DDAH1: variants seen among roughly 807,000 people sequenced by gnomAD.
DDAH1 encodes the protein dimethylarginine dimethylaminohydrolase 1.
In DDAH1, 19 loss-of-function variants were observed where a neutral mutation model predicts 28.8. That is an observed-to-expected ratio of 0.66 (90% CI 0.46 to 0.97). DDAH1 has a LOEUF of 0.97. Among genes scored for constraint, DDAH1 ranks in the 50% least tolerant of loss-of-function variants. The pLI, the probability that DDAH1 is intolerant of heterozygous loss-of-function variation, is 0.00. For synonymous variants in DDAH1, 153 were observed against 154.4 expected (o/e 0.99, Z 0.07); for missense variants, 326 against 375.9 (o/e 0.87, Z 1.10).
intron 1 of DDAH1, among the ~76,000 whole-genome samples, chr1:85,506,264 A>T (rs1657013164): frequency 6.6e-6 from 1 of 152,166 alleles, no homozygotes; most frequent in Admixed American, 6.5e-5. Flanking sequence ...TCTTCCCACC[A>T]TGGAGAGAGA....
At chr1:85,402,745 T>A (rs1652176151) in intron 1 of DDAH1, among the ~76,000 whole-genome samples, 1 of 151,844 alleles carries the variant, frequency 6.6e-6, no homozygotes, top group South Asian at 2.1e-4. Flanking sequence ...CCGTCTCTAC[T>A]AAAAATACAA....
intron 1 of DDAH1, among the ~76,000 whole-genome samples, chr1:85,509,470 G>T (rs1347403362): frequency 1.3e-5 from 2 of 152,206 alleles, no homozygotes; most frequent in Non-Finnish European, 2.9e-5. Flanking sequence ...GTGGAACAAA[G>T]CTGGACAGAG....
chr1:85,394,620 C>T (rs1024369967), intron 1 of DDAH1, among the ~76,000 whole-genome samples: 1 of 152,144 alleles, frequency 6.6e-6, no homozygotes, highest in Non-Finnish European at 1.5e-5. Flanking sequence ...CTTTAGGGCT[C>T]TTGTTTAGGT....
chr1:85,437,383 G>C (rs928401297), intron 1 of DDAH1, among the ~76,000 whole-genome samples: 17 of 152,208 alleles, frequency 1.1e-4, no homozygotes, highest in African/African-American at 4.1e-4. Context: ...CCATTTATAT[G>C]CAGATCTTCT....
chr1:85,441,324 C>T (rs1041525736), intron 1 of DDAH1, among the ~76,000 whole-genome samples: 10 of 152,222 alleles, frequency 6.6e-5, no homozygotes, highest in African/African-American at 2.2e-4. Flanking sequence ...AGGCAGGTCA[C>T]GAGGTCAGGA....
At chr1:85,385,621 G>A (rs1047305167) in intron 1 of DDAH1, among the ~76,000 whole-genome samples, 1 of 152,154 alleles carries the variant, frequency 6.6e-6, no homozygotes, top group African/African-American at 2.4e-5. Flanking sequence ...GTATAGGAGA[G>A]CAGCTGAGCT....
At chr1:85,354,588 G>C (rs1387024489) in intron 2 of DDAH1, among the ~76,000 whole-genome samples, 1 of 151,980 alleles carries the variant, frequency 6.6e-6, no homozygotes, top group East Asian at 1.9e-4. Flanking sequence ...AAATACTTGA[G>C]TCTTTCTTTT....
intron 1 of DDAH1, among the ~76,000 whole-genome samples, chr1:85,443,292 C>T (rs1303640060): frequency 6.6e-6 from 1 of 152,098 alleles, no homozygotes; most frequent in Non-Finnish European, 1.5e-5. Flanking sequence ...TAACCCTTTC[C>T]CCATTTCTTA....
chr1:85,496,613 A>G (rs1392019679), intron 1 of DDAH1, among the ~76,000 whole-genome samples: 1 of 152,220 alleles, frequency 6.6e-6, no homozygotes, highest in East Asian at 1.9e-4. Flanking sequence ...AGGAAAACAA[A>G]TCTTTCCTTT....
intron 1 of DDAH1, among the ~76,000 whole-genome samples, chr1:85,454,072 T>C (rs1412611605): frequency 6.6e-6 from 1 of 152,076 alleles, no homozygotes. Flanking sequence ...TCCTACTGGG[T>C]ACAACCCCTG....
At chr1:85,387,642 G>A (rs1261905069) in intron 1 of DDAH1, among the ~76,000 whole-genome samples, 1 of 151,994 alleles carries the variant, frequency 6.6e-6, no homozygotes, top group East Asian at 1.9e-4. Flanking sequence ...TTGTCTTTTT[G>A]TCTTTTGAGC....
intron 2 of DDAH1, among the ~76,000 whole-genome samples, chr1:85,481,218 C>T (rs1354459355): frequency 6.6e-6 from 1 of 151,494 alleles, no homozygotes; most frequent in Non-Finnish European, 1.5e-5. Context: ...CTGCCCCAGC[C>T]TCCCAAGTAG....
rs373452055 is a variant in DDAH1 at position 85,536,597 on chromosome 1, A to AAC, written c.-122-40317_-122-40316insGT. 8.8e-3 allele frequency among the ~76,000 whole-genome samples: 1,344 copies of AAC among 152,178 alleles called. 22 individuals carry two copies. The highest frequency in any genetic ancestry group is 0.03 in the African/African-American group (1,263 of 41,508). On this transcript the variant is annotated intron_variant, in intron 1 of 6. Transcript: ENST00000426972. ...AACAAACAAACAAATGAACAAAAAA[A>AAC]CACACACACAATGAGATACTACTCA...
chr1:85,387,830 G>T lies in DDAH1; in HGVS notation c.304-28983C>A, dbSNP rs75065103. On this transcript the variant is annotated intron_variant, in intron 1 of 5. Coordinates refer to ENST00000284031, the MANE Select transcript of DDAH1 (RefSeq NM_012137.4). ...AAAGGTTTATTTGGCTCACAGTTCT[G>T]CAGGCTGTACAAGAAGCGTTGCACC... Among the ~76,000 whole-genome samples the T allele has an allele frequency of 5.0e-3, 757 of 152,286 alleles. 6 individuals carry two copies. The highest frequency in any genetic ancestry group is 0.017 in the African/African-American group (726 of 41,546).
chr1:85,435,968 G>T (rs2389950), intron 1 of DDAH1, among the ~76,000 whole-genome samples: 72,620 of 147,566 alleles, frequency 0.49, 17,844 homozygotes, highest in Middle Eastern at 0.6. Flanking sequence ...TTTTGTGTGT[G>T]TGTGTGTGTG....
intron 1 of DDAH1, among the ~76,000 whole-genome samples, chr1:85,514,554 T>C (rs1411229788): frequency 6.7e-6 from 1 of 148,798 alleles, no homozygotes; most frequent in Non-Finnish European, 1.5e-5. Flanking sequence ...GCAAGGTAAA[T>C]GTTTAGTTCT....
At position 85,442,623 on chromosome 1, in the gene DDAH1, G is replaced by C. The variant is rs187808998; in HGVS notation, c.303+22120C>G. Among the ~76,000 whole-genome samples the C allele has an allele frequency of 1.1e-4, 16 of 152,260 alleles. No individual in the cohort carries two copies. In the East Asian group the frequency reaches 3.1e-3, roughly 29 times the overall value. ...CACCACACTATCTTCCACAATGATT[G>C]AACTAGTTTATAGTCCCACCAACAG... On this transcript the variant is annotated intron_variant, in intron 1 of 5. Coordinates refer to ENST00000284031, the MANE Select transcript of DDAH1 (RefSeq NM_012137.4).
At chr1:85,325,352 C>T (rs915957774) in intron 4 of DDAH1, among the ~76,000 whole-genome samples, 1 of 131,046 alleles carries the variant, frequency 7.6e-6, no homozygotes, top group Non-Finnish European at 1.7e-5. Context: ...CATGCACGTG[C>T]GTGCGCGCGC....
chr1:85,465,243 A>G, upstream of DDAH1: 1 of 1,092,228 alleles, frequency 9.2e-7, no homozygotes, highest in Non-Finnish European at 1.1e-6. Flanking sequence ...GCCCGCGCGC[A>G]TCCCGCGCGC....
Sources: allele counts gnomAD v4.1 joint callset (sites outside exome capture counted in the v4.1 genomes callset), GRCh38; gene constraint gnomAD v4.1.1; transcripts MANE v1.5; gene names NCBI Gene and HGNC (gene_info 2026-07-23, HGNC 2026-07-21).